Variants in FMR1 observed in about 807,000 individuals in gnomAD.
FMR1 encodes fragile X messenger ribonucleoprotein 1.
In FMR1, 13 loss-of-function variants were observed where a neutral mutation model predicts 50.6. The observed-to-expected ratio is 0.26, with a 90% CI of 0.17 to 0.41. The LOEUF (loss-of-function observed/expected upper bound fraction) is 0.41. Among genes scored for constraint, FMR1 ranks in the 10% least tolerant of loss-of-function variants. The pLI is 1.00. For synonymous variants in FMR1, 138 were observed against 164.1 expected (o/e 0.84, Z 1.22); for missense variants, 316 against 491.3 (o/e 0.64, Z 3.37).
rs782124550 is a variant in FMR1 at position 147,930,033 on chromosome X, G to A, written c.505G>A (p.Val169Ile). 1 of 1,195,986 alleles carries A rather than the reference G, an allele frequency of 8.4e-7. No homozygotes were observed. The highest frequency in any genetic ancestry group is 1.8e-5 in the South Asian group (1 of 56,631). ...TTATGATCCAGAAAATTATCAGCTT[G>A]TCATTTTGGTGAGCATTTTTGAGTT... ...VTYDPENYQL[V>I]ILSINEVTSK... Residue 169 changes from valine (V) to isoleucine (I), a missense_variant, in exon 6 of 17, where the codon GTC becomes ATC. Coordinates refer to ENST00000370475, the MANE Select transcript of FMR1 (RefSeq NM_002024.6).
rs782341743 is a variant in FMR1, at chrX:147,913,443, G to A, written c.51+1213G>A. ...AGTATTTTGGCAATAGAAGGTGCGTGTGGAAGGAAGGCTGGAAAATAGCTA... is the reference window on the plus strand; with the variant it reads ...AGTATTTTGGCAATAGAAGGTGCGTATGGAAGGAAGGCTGGAAAATAGCTA... On this transcript the variant is annotated intron_variant, in intron 1 of 16. Transcript: ENST00000370475. The A allele has an allele frequency of 2.7e-5, 3 of 112,091 alleles. No individual in the cohort carries two copies. The East Asian group carries it at 8.4e-4, about 31-fold the overall frequency. The allele number at this position is 112,091 out of a possible 1,213,427, so 9.2% of individuals were successfully genotyped here. A position where few individuals can be genotyped will look rare whatever the true frequency, so the allele number is the denominator to read the frequency against.
chrX:147,932,194 A>G (rs1365473004), intron 7 of FMR1, among the ~76,000 whole-genome samples: 1 of 111,755 alleles, frequency 8.9e-6, no homozygotes, highest in South Asian at 3.7e-4. Flanking sequence ...GAAAATGTCA[A>G]CAAGTTCTTT....
At chrX:147,935,163 A>G (rs1477658831) in intron 9 of FMR1, among the ~76,000 whole-genome samples, 2 of 112,108 alleles carry the variant, frequency 1.8e-5, no homozygotes, top group Admixed American at 9.5e-5. Context: ...GACTCCAAGT[A>G]GCTTCTCTCA....
intron 1 of FMR1, among the ~76,000 whole-genome samples, chrX:147,917,123 C>G (rs1326882132): frequency 8.9e-6 from 1 of 112,116 alleles, no homozygotes; most frequent in African/African-American, 3.2e-5. Context: ...GTAAGTGATA[C>G]AAGCTTACTG....
chrX:147,938,268 G>A (rs1385639354), intron 12 of FMR1, 107 bp downstream of exon 12: 1 of 685,898 alleles, frequency 1.5e-6, no homozygotes, highest in Non-Finnish European at 2.3e-6. Flanking sequence ...ACTGGAGGGA[G>A]GAGTGTTTGT....
At position 147,950,021 on chromosome X, in the gene FMR1, CTTT is replaced by C; in HGVS notation, c.*1183_*1185del. On this transcript the variant is annotated 3_prime_UTR_variant, in exon 17 of 17. Transcript: ENST00000370475. The stretch of plus-strand genomic sequence containing the variant: ...ACTAAGATCGGTTAACAAATAACAA[CTTT>C]TTTTTCTTTTTTTCTTTTGTTTTTT... 3.2e-6 allele frequency: 1 copy of C among 312,048 alleles called. No homozygotes were observed. The highest frequency in any genetic ancestry group is 9.9e-5 in the East Asian group (1 of 10,114). The allele number at this position is 312,048 out of a possible 1,213,427, so 25.7% of individuals were successfully genotyped here.
chrX:147,930,104 ATGT>A (rs1671886537), intron 6 of FMR1, 21 bp from the exon 7 acceptor site: 9 of 1,159,669 alleles, frequency 7.8e-6, no homozygotes, highest in African/African-American at 5.3e-5. Context: ...CTTGATAATA[ATGT>A]TGTTAATTTA....
intron 14 of FMR1, chrX:147,944,274 T>C (rs2044101071): frequency 1.3e-6 from 1 of 751,886 alleles, no homozygotes; most frequent in African/African-American, 2.3e-5. Flanking sequence ...TCTTTATTAA[T>C]GATCAATTAT....
intron 14 of FMR1, chrX:147,943,859 T>C (rs2044086896): frequency 8.7e-6 from 1 of 114,525 alleles, no homozygotes; most frequent in Non-Finnish European, 1.8e-5. Flanking sequence ...GTGAACCTGA[T>C]CCCCACCTGC....
At chrX:147,932,929 G>A (rs782500217) in intron 9 of FMR1, among the ~76,000 whole-genome samples, 166 bp downstream of exon 9, 1 of 109,903 alleles carries the variant, frequency 9.1e-6, no homozygotes, top group South Asian at 3.9e-4. Flanking sequence ...AAGTTTTAGG[G>A]TACATGTGCA....
At chrX:147,948,384 T>C (rs935943727) in intron 16 of FMR1, 14 of 871,552 alleles carry the variant, frequency 1.6e-5, no homozygotes, top group African/African-American at 1.2e-4. Flanking sequence ...ATTTTACCTG[T>C]TTGTTTCTCA....
Position 147,925,619 on chromosome X carries a change from A to T in FMR1, c.184A>T (p.Ser62Cys). 1.7e-6 allele frequency: 2 copies of T among 1,183,238 alleles called. No individual in the cohort carries two copies. The highest frequency in any genetic ancestry group is 2.3e-6 in the Non-Finnish European group (2 of 869,598). ...PVGYNKDINE[S>C]DEVEVYSRAN... ...AGGTTATAATAAAGATATAAATGAA[A>T]GTGATGAAGTTGAGGTGAGTTTTCC... Residue 62 changes from serine (S) to cysteine (C), a missense_variant, in exon 3 of 17, where the codon AGT becomes TGT. Physicochemically the swap from Ser to Cys is moderately radical, Grantham distance 112. Coordinates refer to ENST00000370475, the MANE Select transcript of FMR1 (RefSeq NM_002024.6).
intron 9 of FMR1, among the ~76,000 whole-genome samples, chrX:147,935,218 C>A (rs1038173238): frequency 8.9e-6 from 1 of 111,855 alleles, no homozygotes; most frequent in South Asian, 3.7e-4. Flanking sequence ...AAATAATTGA[C>A]AGAAGGACCT....
rs782202125 is a variant in FMR1 at position 147,912,113 on chromosome X, G to C, written c.-67G>C. 2.0e-3 allele frequency: 1,566 copies of C among 790,833 alleles called. 11 individuals carry two copies. The African/African-American group carries it at 0.031, about 15-fold the overall frequency. 65.2% of individuals were successfully genotyped at this position (790,833 alleles called of 1,213,427 possible). A position where few individuals can be genotyped will look rare whatever the true frequency, so the allele number is the denominator to read the frequency against. On this transcript the variant is annotated 5_prime_UTR_variant, in exon 1 of 17. Transcript: ENST00000370475. ...GGCGGCGGCGGCGGCGGCGGCGGCT[G>C]GGCCTCGAGCGCCCGCAGCCCACCT...
chrX:147,947,404 C>T (rs1603044995), intron 16 of FMR1: 1 of 76,270 alleles, frequency 1.3e-5, no homozygotes, highest in South Asian at 7.8e-4. Flanking sequence ...AAGAGCAAAA[C>T]ACCATCTCAA....
rs1285232633 is a variant in FMR1 at position 147,950,037 on chromosome X, T to TC, written c.*1194dup. 6.4e-6 allele frequency: 2 copies of TC among 313,364 alleles called. No individual in the cohort carries two copies. Among genetic ancestry groups the TC allele is most frequent in the Admixed American group, 3.5e-5 (1 of 28,186 alleles). The allele number at this position is 313,364 out of a possible 1,213,427, so 25.8% of individuals were successfully genotyped here. A position where few individuals can be genotyped will look rare whatever the true frequency, so the allele number is the denominator to read the frequency against. ...AAATAACAACTTTTTTTTCTTTTTT[T>TC]CTTTTGTTTTTTGAAGTGTTGGGGT... is the stretch of plus-strand genomic sequence containing the variant. On this transcript the variant is annotated 3_prime_UTR_variant, in exon 17 of 17. Transcript: ENST00000370475.
rs2043647163 is a variant in FMR1 at position 147,932,705 on chromosome X, A to G, written c.822A>G (p.Lys274=). 8.3e-7 allele frequency: 1 copy of G among 1,207,078 alleles called. No individual in the cohort carries two copies. Among genetic ancestry groups the G allele is most frequent in the Non-Finnish European group, 1.1e-6 (1 of 893,147 alleles). Residue 274 remains lysine (K), a synonymous_variant, in exon 9 of 17, where the codon AAA becomes AAG. Transcript: ENST00000370475. ...IYGEDQDAVK[K]ARSFLEFAED... ...ATTAGGATCAGGATGCAGTGAAAAA[A>G]GCTAGAAGCTTTCTCGAATTTGCTG...
At chrX:147,922,037 C>A (rs1557176622) in intron 2 of FMR1, 52 bp downstream of exon 2, 1 of 738,535 alleles carries the variant, frequency 1.4e-6, no homozygotes, top group East Asian at 3.3e-5. Flanking sequence ...ATATTTTATG[C>A]TAATTCTACT....
At chrX:147,925,872 C>G (rs782516655) in intron 3 of FMR1, among the ~76,000 whole-genome samples, 1 of 112,007 alleles carries the variant, frequency 8.9e-6, no homozygotes, top group African/African-American at 3.2e-5. Flanking sequence ...CCGCAAGTTC[C>G]TTTGCCCACT....
Sources: allele counts gnomAD v4.1 joint callset (sites outside exome capture counted in the v4.1 genomes callset), GRCh38; gene constraint gnomAD v4.1.1; transcripts MANE v1.5; gene names NCBI Gene and HGNC (gene_info 2026-07-23, HGNC 2026-07-21).